KCND2: variants seen among roughly 807,000 people sequenced by gnomAD.
KCND2 encodes potassium voltage-gated channel subfamily D member 2.
Under a neutral mutation model 54.4 loss-of-function variants are expected in KCND2, and 16 were observed. That is an observed-to-expected ratio of 0.29 (90% confidence interval 0.20 to 0.45). The LOEUF (loss-of-function observed/expected upper bound fraction) is 0.45, where lower values mean the gene tolerates loss of function less well. KCND2 is among the 20% of genes least tolerant of loss of function. KCND2 has a pLI of 1.00. For missense variants in KCND2, 486 were observed against 824.2 expected, an observed-to-expected ratio of 0.59 and a Z score of 5.02; for synonymous variants, 317 against 310.7, an observed-to-expected ratio of 1.02 and a Z score of -0.21.
At chr7:120,742,637 C>T (rs1792957056) in intron 4 of KCND2, 35 bp downstream of exon 4, 2 of 1,497,328 alleles carry the variant, frequency 1.3e-6, no homozygotes, top group African/African-American at 1.4e-5. Context: ...CCCTTGCTCT[C>T]TGACAGTAAT....
At chr7:120,278,887 A>G (rs1799220938) in intron 1 of KCND2, among the ~76,000 whole-genome samples, 1 of 151,852 alleles carries the variant, frequency 6.6e-6, no homozygotes, top group South Asian at 2.1e-4. Flanking sequence ...AAGTGTTTAG[A>G]TTGAGTAATC....
chr7:120,282,511 G>A (rs1423257231), intron 1 of KCND2, among the ~76,000 whole-genome samples: 3 of 152,010 alleles, frequency 2.0e-5, no homozygotes. Flanking sequence ...ATTTTGCCTT[G>A]GGAATTTTGA....
At chr7:120,338,990 C>T (rs1408653591) in intron 1 of KCND2, among the ~76,000 whole-genome samples, 1 of 152,000 alleles carries the variant, frequency 6.6e-6, no homozygotes. Context: ...ACGCCATTCT[C>T]CTGCCTCAGC....
At chr7:120,510,096 G>A (rs1199415173) in intron 1 of KCND2, among the ~76,000 whole-genome samples, 1 of 151,912 alleles carries the variant, frequency 6.6e-6, no homozygotes, top group Admixed American at 6.6e-5. Flanking sequence ...TACATGCTTC[G>A]CTAGCGCTAA....
chr7:120,389,186 C>T (rs922861734), intron 1 of KCND2, among the ~76,000 whole-genome samples: 4 of 151,836 alleles, frequency 2.6e-5, no homozygotes, highest in Non-Finnish European at 4.4e-5. Flanking sequence ...GATAGGCTTA[C>T]TGAAGCCAAA....
At chr7:120,685,035 A>C (rs1179610450) in intron 1 of KCND2, among the ~76,000 whole-genome samples, 1 of 152,220 alleles carries the variant, frequency 6.6e-6, no homozygotes, top group African/African-American at 2.4e-5. Context: ...CACACAATAA[A>C]TTTAATGCAT....
rs1161790755 is a variant in KCND2 at position 120,335,456 on chromosome 7, TTTACTTAC to T, written c.1115+59717_1115+59724del. The stretch of plus-strand genomic sequence containing the variant: ...CTTGCTTTATTTATTTATTTATTTA[TTTACTTAC>T]TTACTTATTTATTTATTTATTTATT... On this transcript the variant is annotated intron_variant, in intron 1 of 5. Coordinates refer to ENST00000331113, the MANE Select transcript of KCND2 (RefSeq NM_012281.3). Among the ~76,000 whole-genome samples the T allele has an allele frequency of 7.0e-3, 969 of 138,786 alleles. 5 individuals are homozygous for T. The highest frequency in any genetic ancestry group is 0.02 in the African/African-American group (753 of 37,504). The allele number at this position is 138,786 out of a possible 152,430, so 91.0% of individuals were successfully genotyped here.
intron 1 of KCND2, among the ~76,000 whole-genome samples, chr7:120,425,751 GT>G (rs1439537592): frequency 1.3e-5 from 2 of 152,192 alleles, no homozygotes; most frequent in Non-Finnish European, 2.9e-5. Flanking sequence ...CTTCATGAAT[GT>G]GCTAGACCTG....
chr7:120,435,022 G>T (rs1801846040), intron 1 of KCND2, among the ~76,000 whole-genome samples: 1 of 151,884 alleles, frequency 6.6e-6, no homozygotes, highest in African/African-American at 2.4e-5. Context: ...TATGTAATCT[G>T]TAGGAGGAAA....
At chr7:120,297,130 G>A (rs1483405543) in intron 1 of KCND2, among the ~76,000 whole-genome samples, 4 of 151,930 alleles carry the variant, frequency 2.6e-5, no homozygotes, top group African/African-American at 4.8e-5. Context: ...CCCACATCAC[G>A]TACATTGTAT....
intron 1 of KCND2, among the ~76,000 whole-genome samples, chr7:120,524,880 G>A (rs1039717040): frequency 5.3e-5 from 8 of 152,150 alleles, no homozygotes; most frequent in Admixed American, 5.2e-4. Context: ...TGTGTTCAAC[G>A]TCGGGATAGG....
chr7:120,744,087 T>A (rs1584904347), intron 4 of KCND2, among the ~76,000 whole-genome samples: 1 of 151,966 alleles, frequency 6.6e-6, no homozygotes, highest in South Asian at 2.1e-4. Context: ...TGGTGAAACC[T>A]CGTCTCTACT....
intron 1 of KCND2, among the ~76,000 whole-genome samples, chr7:120,610,890 A>T (rs1395265457): frequency 2.0e-5 from 3 of 152,184 alleles, no homozygotes; most frequent in African/African-American, 7.2e-5. Context: ...GATTCTAAAT[A>T]CAGCCTGTCC....
chr7:120,726,954 C>T (rs917019728), intron 1 of KCND2, among the ~76,000 whole-genome samples: 14 of 152,152 alleles, frequency 9.2e-5, no homozygotes, highest in Non-Finnish European at 2.1e-4. Flanking sequence ...AATTTTCTTC[C>T]TGTTGTACAA....
At chr7:120,691,012 TA>T (rs34059331) in intron 1 of KCND2, among the ~76,000 whole-genome samples, 1 of 152,022 alleles carries the variant, frequency 6.6e-6, no homozygotes, top group Non-Finnish European at 1.5e-5. Flanking sequence ...AGTAAATACT[TA>T]AAAGTAGGGA....
chr7:120,678,343 T>TTATATATATA (rs3067141), intron 1 of KCND2, among the ~76,000 whole-genome samples: 1,802 of 120,140 alleles, frequency 0.015, 22 homozygotes, highest in African/African-American at 0.032. Context: ...GTATGATTAT[T>TTATATATATA]TATATATATA....
rs1336861028 is a variant in KCND2 at position 120,713,735 on chromosome 7, T to C, written c.1116-19168T>C. On this transcript the variant is annotated intron_variant, in intron 1 of 5. Coordinates refer to ENST00000331113, the MANE Select transcript of KCND2 (RefSeq NM_012281.3). ...GTATCAGATTTTTCCTGAAACAAAC[T>C]AAAGTAACAACTGGGACTTGTAGAT... Among the ~76,000 whole-genome samples the C allele has an allele frequency of 2.6e-5, 4 of 152,150 alleles. No homozygotes were observed. The South Asian group carries it at 8.3e-4, about 31-fold the overall frequency.
chr7:120,502,274 C>G (rs959865918), intron 1 of KCND2, among the ~76,000 whole-genome samples: 1 of 151,894 alleles, frequency 6.6e-6, no homozygotes, highest in Non-Finnish European at 1.5e-5. Flanking sequence ...TATTGCCTTT[C>G]TCCTCTCCTT....
intron 1 of KCND2, among the ~76,000 whole-genome samples, chr7:120,634,494 C>A (rs1234355837): frequency 6.6e-6 from 1 of 152,078 alleles, no homozygotes; most frequent in Non-Finnish European, 1.5e-5. Context: ...ACTCGATACT[C>A]AATCGAGAAC....
Sources: allele counts gnomAD v4.1 joint callset (sites outside exome capture counted in the v4.1 genomes callset), GRCh38; gene constraint gnomAD v4.1.1; transcripts MANE v1.5; gene names NCBI Gene and HGNC (gene_info 2026-07-23, HGNC 2026-07-21).